CALN1: variants seen among roughly 807,000 people sequenced by gnomAD.
CALN1 encodes the protein calcium-binding protein 8.
CALN1 carries 17 observed loss-of-function variants against 30.6 expected under a neutral mutation model. That is an observed-to-expected ratio of 0.56 (90% CI 0.38 to 0.83). CALN1 has a LOEUF of 0.83. Among genes scored for constraint, CALN1 ranks in the 40% least tolerant of loss-of-function variants. CALN1 has a pLI of 0.00. For synonymous variants in CALN1, 156 were observed against 131.4 expected (o/e 1.19, Z -1.28); for missense variants, 291 against 354.9 (o/e 0.82, Z 1.45).
intron 3 of CALN1, among the ~76,000 whole-genome samples, chr7:72,157,161 C>T (rs1787751573): frequency 6.6e-6 from 1 of 152,206 alleles, no homozygotes; most frequent in African/African-American, 2.4e-5. Flanking sequence ...AACTACTGGT[C>T]AGAGCTCATT....
intron 3 of CALN1, among the ~76,000 whole-genome samples, chr7:72,184,200 C>T (rs1291526188): frequency 6.6e-6 from 1 of 152,188 alleles, no homozygotes; most frequent in Non-Finnish European, 1.5e-5. Flanking sequence ...TCGTCGTCTT[C>T]GAATACGTTG....
chr7:71,831,308 G>A (rs1196907367), intron 5 of CALN1, among the ~76,000 whole-genome samples: 3 of 152,068 alleles, frequency 2.0e-5, no homozygotes, highest in East Asian at 3.9e-4. Flanking sequence ...GTGAAACCCC[G>A]TCTCTACTAA....
chr7:72,223,438 G>T (rs1196462277), intron 3 of CALN1, among the ~76,000 whole-genome samples: 1 of 152,070 alleles, frequency 6.6e-6, no homozygotes, highest in East Asian at 1.9e-4. Flanking sequence ...TTCATTTTTT[G>T]ATGGATATGG....
At position 72,287,548 on chromosome 7, in the gene CALN1, G is replaced by A. The variant is rs936323569; in HGVS notation, c.120-8738C>T. 8.5e-5 allele frequency among the ~76,000 whole-genome samples: 12 copies of A among 140,554 alleles called. No individual in the cohort carries two copies. In the Admixed American group the frequency reaches 9.6e-4, roughly 11 times the overall value. The allele number at this position is 140,554 out of a possible 152,430, so 92.2% of individuals were successfully genotyped here. A position where few individuals can be genotyped will look rare whatever the true frequency, so the allele number is the denominator to read the frequency against. Reference sequence around the variant, plus strand: ...TGCAAGCTCCGCCTCCTGGGTTCATGCCATTCTCCTGCCTCAGCCTCCCGA... The same window carrying A: ...TGCAAGCTCCGCCTCCTGGGTTCATACCATTCTCCTGCCTCAGCCTCCCGA... On this transcript the variant is annotated intron_variant, in intron 2 of 6. Coordinates refer to ENST00000395275, the MANE Select transcript of CALN1 (RefSeq NM_031468.4).
chr7:72,251,156 G>C (rs2129552052), intron 3 of CALN1, among the ~76,000 whole-genome samples: 1 of 152,164 alleles, frequency 6.6e-6, no homozygotes, highest in South Asian at 2.1e-4. Context: ...TAAGCCCTCA[G>C]ACCTAATCAG....
intron 2 of CALN1, among the ~76,000 whole-genome samples, chr7:72,354,901 C>CT (rs1803138618): frequency 7.3e-6 from 1 of 137,732 alleles, no homozygotes; most frequent in Non-Finnish European, 1.5e-5. Context: ...TTTTTTTTTT[C>CT]TTTTCTTTTT....
At chr7:72,174,197 C>T (rs532749068) in intron 3 of CALN1, among the ~76,000 whole-genome samples, 1 of 152,108 alleles carries the variant, frequency 6.6e-6, no homozygotes, top group Non-Finnish European at 1.5e-5. Flanking sequence ...TATATACCAC[C>T]ACACTTCAGC....
At chr7:71,843,681 T>C (rs956141224) in intron 5 of CALN1, among the ~76,000 whole-genome samples, 4 of 152,148 alleles carry the variant, frequency 2.6e-5, no homozygotes, top group East Asian at 1.9e-4. Context: ...ATGGCAAAGA[T>C]AACCCTCAGT....
At chr7:72,011,899 G>T (rs1800103357) in intron 5 of CALN1, among the ~76,000 whole-genome samples, 1 of 152,104 alleles carries the variant, frequency 6.6e-6, no homozygotes, top group African/African-American at 2.4e-5. Flanking sequence ...CTCTCCAAGT[G>T]CTGGGATTAC....
chr7:71,848,280 T>A (rs1790436723), intron 5 of CALN1, among the ~76,000 whole-genome samples: 1 of 152,174 alleles, frequency 6.6e-6, no homozygotes. Flanking sequence ...CAGAACTGCA[T>A]CACATCTGTG....
At chr7:72,037,618 C>T (rs1006617484) in intron 4 of CALN1, among the ~76,000 whole-genome samples, 18 of 152,268 alleles carry the variant, frequency 1.2e-4, no homozygotes, top group African/African-American at 3.4e-4. Context: ...AACACAGATC[C>T]CTGATATTTC....
chr7:72,364,841 C>T (rs908836837), intron 2 of CALN1, among the ~76,000 whole-genome samples: 1 of 152,182 alleles, frequency 6.6e-6, no homozygotes, highest in African/African-American at 2.4e-5. Context: ...TCGAGATCAG[C>T]CTTGCCAACA....
chr7:71,953,147 G>T (rs896885746), intron 5 of CALN1, among the ~76,000 whole-genome samples: 1 of 151,900 alleles, frequency 6.6e-6, no homozygotes, highest in Non-Finnish European at 1.5e-5. Flanking sequence ...TTGCAGGAAC[G>T]GGATCTCGTT....
chr7:72,109,424 G>C (rs1807404097), intron 3 of CALN1, among the ~76,000 whole-genome samples: 1 of 152,100 alleles, frequency 6.6e-6, no homozygotes, highest in African/African-American at 2.4e-5. Flanking sequence ...TTTAAGTGAA[G>C]AACAGGAAGC....
chr7:72,304,149 G>T (rs1280604406), intron 2 of CALN1, among the ~76,000 whole-genome samples: 1 of 152,206 alleles, frequency 6.6e-6, no homozygotes, highest in East Asian at 1.9e-4. Flanking sequence ...GAGGTCCAAA[G>T]GTATGGTTTC....
intron 5 of CALN1, among the ~76,000 whole-genome samples, chr7:71,979,369 T>A (rs977825306): frequency 1.3e-5 from 2 of 152,194 alleles, no homozygotes; most frequent in Non-Finnish European, 2.9e-5. Context: ...CTTGTTTCCC[T>A]GTAACTAGAC....
chr7:72,160,808 C>A (rs542624251), intron 3 of CALN1, among the ~76,000 whole-genome samples: 1 of 152,322 alleles, frequency 6.6e-6, no homozygotes, highest in South Asian at 2.1e-4. Context: ...TGGCAAGCCC[C>A]TGCATGGAGA....
intron 3 of CALN1, among the ~76,000 whole-genome samples, chr7:72,165,876 ATGGAAACCCT>A (rs1273503686): frequency 6.6e-6 from 1 of 152,174 alleles, no homozygotes. Context: ...ATCAATTCAG[ATGGAAACCCT>A]TGAACCGTGA....
chr7:72,340,972 C>T (rs1481004875), intron 2 of CALN1, among the ~76,000 whole-genome samples: 2 of 152,136 alleles, frequency 1.3e-5, no homozygotes, highest in Admixed American at 1.3e-4. Context: ...ACTATGAGTC[C>T]ATTAAATCTT....
Sources: gnomAD v4.1 joint callset for allele counts (sites outside exome capture counted in the v4.1 genomes callset) on GRCh38, gnomAD v4.1.1 for gene constraint, MANE v1.5 for transcripts, NCBI Gene and HGNC (gene_info 2026-07-23, HGNC 2026-07-21) for gene names.